RAB6A: variants seen among roughly 807,000 people sequenced by gnomAD.
RAB6A encodes ras-related protein Rab-6A.
RAB6A carries 8 observed loss-of-function variants against 32.3 expected under a neutral mutation model. That is an observed-to-expected ratio of 0.25 (90% CI 0.15 to 0.45). The LOEUF (loss-of-function observed/expected upper bound fraction) is 0.45, where lower values mean the gene tolerates loss of function less well. Among genes scored for constraint, RAB6A ranks in the 20% least tolerant of loss-of-function variants. RAB6A has a pLI of 1.00. For missense variants in RAB6A, 104 were observed against 249.4 expected (o/e 0.42, Z 3.93); for synonymous variants, 73 against 82.1 (o/e 0.89, Z 0.60).
At chr11:73,740,240 C>T (rs566690230) in intron 1 of RAB6A, among the ~76,000 whole-genome samples, 3 of 151,978 alleles carry the variant, frequency 2.0e-5, no homozygotes, top group Admixed American at 6.6e-5. Flanking sequence ...AAAATTAATC[C>T]GCTATGATAA....
chr11:73,731,686 ATATAT>A (rs1565369875), intron 1 of RAB6A, among the ~76,000 whole-genome samples: 1,130 of 27,502 alleles, frequency 0.041, 73 homozygotes, highest in East Asian at 0.15. Flanking sequence ...GATAGATATT[ATATAT>A]ATATATATAT....
intron 6 of RAB6A, among the ~76,000 whole-genome samples, chr11:73,686,142 A>C (rs1027976089): frequency 1.3e-5 from 2 of 152,234 alleles, no homozygotes; most frequent in Admixed American, 6.5e-5. Context: ...GCAGAGCTGA[A>C]ACTTCCTTAC....
At chr11:73,734,923 TG>T (rs1172497518) in intron 1 of RAB6A, among the ~76,000 whole-genome samples, 1 of 152,202 alleles carries the variant, frequency 6.6e-6, no homozygotes, top group African/African-American at 2.4e-5. Context: ...GCATTATACT[TG>T]AGCATCCTTA....
At chr11:73,693,257 C>T (rs1434040909) in intron 6 of RAB6A, among the ~76,000 whole-genome samples, 2 of 151,678 alleles carry the variant, frequency 1.3e-5, no homozygotes, top group Non-Finnish European at 2.9e-5. Context: ...CACTGTACTC[C>T]GGCCTGGATG....
chr11:73,716,867 GTTTA>G (rs1946061373), intron 4 of RAB6A, among the ~76,000 whole-genome samples: 1 of 152,284 alleles, frequency 6.6e-6, no homozygotes, highest in Admixed American at 6.5e-5. Context: ...TTAACCTAAA[GTTTA>G]TTTGTTTAAT....
intron 2 of RAB6A, among the ~76,000 whole-genome samples, chr11:73,724,314 G>A (rs907764896): frequency 6.6e-6 from 1 of 151,994 alleles, no homozygotes; most frequent in African/African-American, 2.4e-5. Context: ...ATATACATAG[G>A]CAACATCACA....
intron 5 of RAB6A, among the ~76,000 whole-genome samples, chr11:73,709,900 C>T (rs1945918863): frequency 6.8e-6 from 1 of 146,814 alleles, no homozygotes; most frequent in Non-Finnish European, 1.5e-5. Context: ...TATATATACA[C>T]ACACATATAT....
intron 1 of RAB6A, among the ~76,000 whole-genome samples, chr11:73,759,799 T>G (rs1331718211): frequency 6.6e-6 from 1 of 152,082 alleles, no homozygotes; most frequent in East Asian, 1.9e-4. Flanking sequence ...TGGCAGAGAT[T>G]GAAAAATCAT....
intron 1 of RAB6A, chr11:73,759,965 T>A (rs1009354214): frequency 2.4e-4 from 230 of 950,706 alleles, no homozygotes; most frequent in Non-Finnish European, 3.1e-4. Flanking sequence ...TCGTCTCCAA[T>A]TCAGATGTTT....
At chr11:73,700,170 G>A (rs531485422) in intron 6 of RAB6A, among the ~76,000 whole-genome samples, 6 of 152,118 alleles carry the variant, frequency 3.9e-5, no homozygotes, top group Non-Finnish European at 7.3e-5. Context: ...CACACTTATT[G>A]CTTCACTAAA....
At chr11:73,690,904 A>AC (rs949411326) in intron 6 of RAB6A, among the ~76,000 whole-genome samples, 7 of 149,626 alleles carry the variant, frequency 4.7e-5, no homozygotes, top group Non-Finnish European at 8.9e-5. Context: ...AAAAAAAAAA[A>AC]ACCCAAAACA....
chr11:73,695,079 A>G (rs1042536702), intron 6 of RAB6A, among the ~76,000 whole-genome samples: 1 of 152,238 alleles, frequency 6.6e-6, no homozygotes, highest in African/African-American at 2.4e-5. Flanking sequence ...GTTTTAATCT[A>G]TATATTTAAC....
chr11:73,704,048 C>G, intron 6 of RAB6A: 1 of 154,230 alleles, frequency 6.5e-6, no homozygotes, highest in South Asian at 1.6e-4. Flanking sequence ...AAAAAAATTT[C>G]TAACATCAGA....
Position 73,716,257 on chromosome 11 carries a change from T to C in RAB6A, c.395A>G (p.Asp132Gly). The C allele has an allele frequency of 6.2e-7, 1 of 1,602,692 alleles. No individual in the cohort carries two copies. The highest frequency in any genetic ancestry group is 8.5e-7 in the Non-Finnish European group (1 of 1,169,860). ...ATATAAAATAACTCCATACCTCTTG[T>C]CAGCAAGATCTGTTTTATTTCCTAC... ...MLVGNKTDLADKRQVSIEEGE... is the reference protein window; with the variant it reads ...MLVGNKTDLAGKRQVSIEEGE... The change falls in exon 5 of 8, where the codon GAC becomes GGC. Residue 132 changes from aspartate (D) to glycine (G), a missense_variant. By Grantham distance (94) the Asp-to-Gly change is moderately conservative. Transcript: ENST00000336083.
chr11:73,729,095 C>T (rs981511403), intron 2 of RAB6A, among the ~76,000 whole-genome samples: 7 of 151,870 alleles, frequency 4.6e-5, no homozygotes, highest in African/African-American at 1.7e-4. Context: ...CATTATAACC[C>T]TTTTGATTTT....
intron 1 of RAB6A, among the ~76,000 whole-genome samples, chr11:73,732,366 C>G (rs970303266): frequency 6.6e-6 from 1 of 152,020 alleles, no homozygotes; most frequent in Admixed American, 6.6e-5. Context: ...GCGGGCGGAT[C>G]ACGAGGTCAG....
chr11:73,760,940 C>T lies in RAB6A; in HGVS notation c.-305G>A. On this transcript the variant is annotated 5_prime_UTR_variant, in exon 1 of 8. Coordinates refer to ENST00000336083, the MANE Select transcript of RAB6A (RefSeq NM_198896.2). ...CAAAGCTAGGGCCGTTCCCTCCTTC[C>T]GCACTCGGCTCCCAGACCTGGGGAA... 3.0e-6 allele frequency: 1 copy of T among 329,692 alleles called. No individual in the cohort carries two copies. Among genetic ancestry groups the T allele is most frequent in the East Asian group, 5.0e-5 (1 of 19,862 alleles). The allele number at this position is 329,692 out of a possible 1,614,324, so 20.4% of individuals were successfully genotyped here.
In RAB6A at chr11:73,677,185, C is replaced by T. The variant is rs996575745; in HGVS notation, c.*713G>A. ...CCATTTGTTTTAGTCAGAAATACAT[C>T]TTATGTTCTTCTACTTCTAAGTACT... On this transcript the variant is annotated 3_prime_UTR_variant, in exon 8 of 8. Transcript: ENST00000336083. 17 of 167,070 alleles carry T rather than the reference C, an allele frequency of 1.0e-4. No individual in the cohort carries two copies. The highest frequency in any genetic ancestry group is 3.9e-4 in the African/African-American group (16 of 41,432). The allele number at this position is 167,070 out of a possible 1,614,324, so 10.3% of individuals were successfully genotyped here.
chr11:73,718,445 T>C (rs1946084857), intron 4 of RAB6A, among the ~76,000 whole-genome samples, 168 bp downstream of exon 4: 1 of 152,194 alleles, frequency 6.6e-6, no homozygotes, highest in Non-Finnish European at 1.5e-5. Context: ...ATAAAGCATA[T>C]TGGTATAAAC....
Sources: allele counts gnomAD v4.1 joint callset (sites outside exome capture counted in the v4.1 genomes callset), GRCh38; gene constraint gnomAD v4.1.1; transcripts MANE v1.5; gene names NCBI Gene and HGNC (gene_info 2026-07-23, HGNC 2026-07-21).